The following ELF2 variants were observed in gnomAD, a reference collection of about 807,000 sequenced individuals.
ELF2 encodes E74 like ETS transcription factor 2.
In ELF2, 11 loss-of-function variants were observed where a neutral mutation model predicts 54.8. The ratio of observed to expected loss-of-function variants is 0.20; its 90% CI spans 0.13 to 0.33. The LOEUF is 0.33. Ranked by LOEUF, ELF2 falls within the 10% of genes least tolerant of loss-of-function variation. ELF2 has a pLI of 1.00. For missense variants in ELF2, 513 were observed against 703.0 expected, an observed-to-expected ratio of 0.73 and a Z score of 3.06; for synonymous variants, 203 against 245.1, an observed-to-expected ratio of 0.83 and a Z score of 1.61.
At chr4:139,139,368 C>T (rs1338954058) in intron 2 of ELF2, 45 bp downstream of exon 2, 1 of 998,602 alleles carries the variant, frequency 1.0e-6, no homozygotes. Flanking sequence ...ATATAAGGTA[C>T]TATTCCCAAT....
chr4:139,097,494 G>A (rs1057480044), intron 4 of ELF2, among the ~76,000 whole-genome samples: 1 of 151,828 alleles, frequency 6.6e-6, no homozygotes, highest in Non-Finnish European at 1.5e-5. Context: ...GCATATGCCC[G>A]TAATCCCAGC....
intron 1 of ELF2, among the ~76,000 whole-genome samples, chr4:139,151,212 A>T (rs1236262920): frequency 6.6e-6 from 1 of 152,090 alleles, no homozygotes; most frequent in Non-Finnish European, 1.5e-5. Flanking sequence ...AAGAGACCTA[A>T]ATATATGAAA....
At chr4:139,160,493 G>A (rs1485690783) in intron 1 of ELF2, among the ~76,000 whole-genome samples, 1 of 152,104 alleles carries the variant, frequency 6.6e-6, no homozygotes, top group Non-Finnish European at 1.5e-5. Context: ...TAGTGATGAG[G>A]AAGATTACAG....
Position 139,092,143 on chromosome 4 carries a change from C to T in ELF2, c.239-18576G>A, listed in dbSNP as rs1214122031. Among the ~76,000 whole-genome samples, 4 of 150,170 alleles carry T rather than the reference C, an allele frequency of 2.7e-5. No homozygotes were observed. In the East Asian group the frequency reaches 7.9e-4, roughly 30 times the overall value. ...TTGGGAGGGCGAGGCGGTTGGATCA[C>T]CCGAGGTCAGGAGTTCAAGACCAGC... On this transcript the variant is annotated intron_variant, in intron 4 of 9. Transcript: ENST00000686138.
intron 4 of ELF2, among the ~76,000 whole-genome samples, chr4:139,083,536 G>A (rs1731473759): frequency 6.6e-6 from 1 of 152,220 alleles, no homozygotes; most frequent in South Asian, 2.1e-4. Context: ...AATGTGCGGA[G>A]GAGGGAGGGT....
At chr4:139,109,430 G>A (rs1471983545) in intron 4 of ELF2, among the ~76,000 whole-genome samples, 1 of 152,124 alleles carries the variant, frequency 6.6e-6, no homozygotes, top group Non-Finnish European at 1.5e-5. Flanking sequence ...GGCTATTTAT[G>A]ACTGTGCCAA....
chr4:139,114,559 TCTCA>T (rs1735340791), intron 4 of ELF2, among the ~76,000 whole-genome samples: 1 of 27,570 alleles, frequency 3.6e-5, no homozygotes, highest in African/African-American at 1.1e-4. Context: ...GAGACTTCAG[TCTCA>T]CACACACACA....
chr4:139,155,142 T>C (rs1338714366), intron 1 of ELF2: 3 of 152,238 alleles, frequency 2.0e-5, no homozygotes, highest in Admixed American at 6.5e-5. Flanking sequence ...GATGAGAATA[T>C]AGTACCAGAT....
Position 139,097,263 on chromosome 4 carries a change from A to G in ELF2, c.239-23696T>C, listed in dbSNP as rs181927864. Among the ~76,000 whole-genome samples, 1,087 of 152,272 alleles carry G rather than the reference A, an allele frequency of 7.1e-3. 5 individuals carry two copies. Among genetic ancestry groups the G allele is most frequent in the Non-Finnish European group, 0.012 (822 of 68,020 alleles). On this transcript the variant is annotated intron_variant, in intron 4 of 9. Coordinates refer to ENST00000686138, the MANE Select transcript of ELF2 (RefSeq NM_001331036.3). ...ACTGCAGCCTTGAACTCCCGGGCTCAGGTGGTTCTCCCATCTCAGCCTCCC... is the reference window on the plus strand; with the variant it reads ...ACTGCAGCCTTGAACTCCCGGGCTCGGGTGGTTCTCCCATCTCAGCCTCCC...
intron 1 of ELF2, among the ~76,000 whole-genome samples, chr4:139,164,515 T>G (rs1741530852): frequency 6.6e-6 from 1 of 152,118 alleles, no homozygotes; most frequent in Non-Finnish European, 1.5e-5. Flanking sequence ...CATGCACCTG[T>G]AGTCCCAGCT....
chr4:139,081,116 T>A, intron 4 of ELF2, among the ~76,000 whole-genome samples: 1 of 152,294 alleles, frequency 6.6e-6, no homozygotes, highest in East Asian at 1.9e-4. Flanking sequence ...CAGCTAGATA[T>A]AGATCCTCAA....
At chr4:139,082,498 A>G (rs1377715741) in intron 4 of ELF2, among the ~76,000 whole-genome samples, 2 of 152,212 alleles carry the variant, frequency 1.3e-5, no homozygotes, top group Non-Finnish European at 2.9e-5. Flanking sequence ...TCTGAAACAC[A>G]TATTTTTACA....
At chr4:139,086,507 G>C (rs1731996866) in intron 4 of ELF2, among the ~76,000 whole-genome samples, 2 of 152,144 alleles carry the variant, frequency 1.3e-5, no homozygotes, top group Admixed American at 1.3e-4. Flanking sequence ...TTATGTTACT[G>C]ATTTATTTAA....
At chr4:139,170,237 C>T (rs1376830361) in intron 1 of ELF2, among the ~76,000 whole-genome samples, 1 of 148,176 alleles carries the variant, frequency 6.7e-6, no homozygotes, top group Non-Finnish European at 1.5e-5. Flanking sequence ...AAACTAATTA[C>T]ACTTTAAAAG....
intron 5 of ELF2, among the ~76,000 whole-genome samples, chr4:139,072,887 T>C (rs1405157933): frequency 3.3e-5 from 5 of 152,218 alleles, no homozygotes; most frequent in Non-Finnish European, 7.3e-5. Context: ...CCAGTATTTT[T>C]GTATCAAGTC....
At chr4:139,158,065 A>G (rs1037796718) in intron 1 of ELF2, among the ~76,000 whole-genome samples, 2 of 152,170 alleles carry the variant, frequency 1.3e-5, no homozygotes, top group Non-Finnish European at 2.9e-5. Flanking sequence ...GCTGAGTCCG[A>G]AGAAAGAGTC....
intron 4 of ELF2, among the ~76,000 whole-genome samples, chr4:139,078,376 AC>A (rs986972851): frequency 6.6e-6 from 1 of 152,194 alleles, no homozygotes; most frequent in Non-Finnish European, 1.5e-5. Context: ...CAACTGCAGC[AC>A]CCGATTTACC....
At chr4:139,174,352 T>C (rs1025603630) in intron 1 of ELF2, among the ~76,000 whole-genome samples, 2 of 152,142 alleles carry the variant, frequency 1.3e-5, no homozygotes, top group Non-Finnish European at 2.9e-5. Flanking sequence ...TATGGTTTCA[T>C]TTACATAAAA....
chr4:139,114,331 G>A (rs986929620), intron 4 of ELF2, among the ~76,000 whole-genome samples: 2 of 152,096 alleles, frequency 1.3e-5, no homozygotes, highest in Non-Finnish European at 2.9e-5. Flanking sequence ...AGCACTTTGG[G>A]AGGCCAAGGC....
Sources: gnomAD v4.1 joint callset for allele counts (sites outside exome capture counted in the v4.1 genomes callset) on GRCh38, gnomAD v4.1.1 for gene constraint, MANE v1.5 for transcripts, NCBI Gene and HGNC (gene_info 2026-07-23, HGNC 2026-07-21) for gene names.